The following PARD3 variants were observed in gnomAD, a reference collection of about 807,000 sequenced individuals.
PARD3 encodes partitioning defective 3 homolog.
Under a neutral mutation model 155.4 loss-of-function variants are expected in PARD3, and 75 were observed. The observed-to-expected ratio is 0.48, with a 90% CI of 0.40 to 0.58. PARD3 has a LOEUF of 0.58. PARD3 is among the 20% of genes least tolerant of loss of function. PARD3 has a pLI of 0.00. For missense variants in PARD3, 1,642 were observed against 1,721.7 expected, an observed-to-expected ratio of 0.95 and a Z score of 0.82; for synonymous variants, 576 against 610.5, an observed-to-expected ratio of 0.94 and a Z score of 0.83.
Position 34,564,165 on chromosome 10 carries a change from G to A in PARD3, c.223-47006C>T, listed in dbSNP as rs548098581. On this transcript the variant is annotated intron_variant, in intron 2 of 24. Coordinates refer to ENST00000374788, the MANE Select transcript of PARD3 (RefSeq NM_001184785.2). ...ATTTCAACCCCAAAGCATTTTTTAT[G>A]AGAAGTAAAAATGTTACATGTGCAT... Among the ~76,000 whole-genome samples the A allele has an allele frequency of 1.2e-4, 18 of 152,242 alleles. No homozygotes were observed. The South Asian group carries it at 3.3e-3, about 28-fold the overall frequency.
At chr10:34,777,778 T>G (rs1186787992) in intron 1 of PARD3, among the ~76,000 whole-genome samples, 3 of 152,030 alleles carry the variant, frequency 2.0e-5, no homozygotes, top group African/African-American at 4.8e-5. Flanking sequence ...ATGATCCTCC[T>G]GTCTCAGCCT....
At chr10:34,161,695 T>C (rs1042544937) in intron 22 of PARD3, among the ~76,000 whole-genome samples, 1 of 152,216 alleles carries the variant, frequency 6.6e-6, no homozygotes. Context: ...GTGGCAACTC[T>C]GGTTCCAAGA....
intron 2 of PARD3, among the ~76,000 whole-genome samples, chr10:34,684,864 TATATACACAC>T (rs1222358292): frequency 4.4e-5 from 5 of 114,126 alleles, no homozygotes; most frequent in Admixed American, 1.0e-4. Flanking sequence ...TACATGTATA[TATATACACAC>T]ACATACACAC....
At chr10:34,781,736 T>C (rs1458481865) in intron 1 of PARD3, among the ~76,000 whole-genome samples, 1 of 152,216 alleles carries the variant, frequency 6.6e-6, no homozygotes, top group Non-Finnish European at 1.5e-5. Context: ...CTCAGCACTA[T>C]ACACAGAGTG....
chr10:34,121,996 G>A (rs1228164733), intron 23 of PARD3, among the ~76,000 whole-genome samples: 2 of 152,204 alleles, frequency 1.3e-5, no homozygotes, highest in Non-Finnish European at 2.9e-5. Context: ...CACTTGATGA[G>A]GCTGGCCAAA....
chr10:34,504,611 C>T lies in PARD3; in HGVS notation c.403+12368G>A, dbSNP rs181683320. Among the ~76,000 whole-genome samples, 7 of 152,232 alleles carry T rather than the reference C, an allele frequency of 4.6e-5. No homozygotes were observed. The East Asian group carries it at 1.2e-3, about 25-fold the overall frequency. On this transcript the variant is annotated intron_variant, in intron 3 of 24. Transcript: ENST00000374788. Reference sequence around the variant, plus strand: ...CTTTAAAATGTAGCCCAGAGAGAGACTACCAGCTGTCCATTCCATGGAAAA... The same window carrying T: ...CTTTAAAATGTAGCCCAGAGAGAGATTACCAGCTGTCCATTCCATGGAAAA...
At chr10:34,524,917 C>T (rs1352885288) in intron 2 of PARD3, among the ~76,000 whole-genome samples, 4 of 152,004 alleles carry the variant, frequency 2.6e-5, no homozygotes, top group Non-Finnish European at 4.4e-5. Context: ...GAAGCAAATG[C>T]GATGATGTAG....
chr10:34,478,966 A>G (rs995861826), intron 3 of PARD3, among the ~76,000 whole-genome samples: 3 of 151,992 alleles, frequency 2.0e-5, no homozygotes, highest in Non-Finnish European at 4.4e-5. Flanking sequence ...TCTTCTAAAC[A>G]CTCACCTGAG....
At chr10:34,309,357 G>C (rs1298346126) in intron 20 of PARD3, among the ~76,000 whole-genome samples, 5 of 152,014 alleles carry the variant, frequency 3.3e-5, no homozygotes, top group South Asian at 2.1e-4. Flanking sequence ...CCAGAAGTTT[G>C]AGACCAACCT....
At chr10:34,129,698 C>CTATTTTTTTTTTTT (rs1346445542) in intron 23 of PARD3, among the ~76,000 whole-genome samples, 24 of 59,750 alleles carry the variant, frequency 4.0e-4, no homozygotes, top group African/African-American at 1.2e-3. Context: ...AATGTCAAGC[C>CTATTTTTTTTTTTT]TCTTTTTTTT....
intron 5 of PARD3, among the ~76,000 whole-genome samples, chr10:34,432,053 A>G: frequency 7.1e-6 from 1 of 140,896 alleles, no homozygotes; most frequent in East Asian, 2.0e-4. Flanking sequence ...AAAAAAAAAA[A>G]AAAAAAAAAA....
At chr10:34,364,892 A>C (rs1211231088) in intron 12 of PARD3, among the ~76,000 whole-genome samples, 2 of 152,260 alleles carry the variant, frequency 1.3e-5, no homozygotes, top group African/African-American at 2.4e-5. Flanking sequence ...TACAAGGTTC[A>C]ATCTTACTCG....
chr10:34,375,233 T>A (rs1156813701), intron 10 of PARD3, among the ~76,000 whole-genome samples: 2 of 152,172 alleles, frequency 1.3e-5, no homozygotes, highest in East Asian at 3.8e-4. Flanking sequence ...GGTCAATCTT[T>A]TAGTGTTCAT....
chr10:34,350,249 AG>A (rs1392465684), intron 14 of PARD3, among the ~76,000 whole-genome samples: 1 of 152,202 alleles, frequency 6.6e-6, no homozygotes, highest in African/African-American at 2.4e-5. Context: ...AGCGGCACTG[AG>A]GAAGAGAGGC....
intron 2 of PARD3, among the ~76,000 whole-genome samples, chr10:34,645,298 C>T (rs958218671): frequency 6.6e-6 from 1 of 152,020 alleles, no homozygotes; most frequent in Non-Finnish European, 1.5e-5. Flanking sequence ...CTCTACCTCC[C>T]AGGTTCAAGA....
intron 2 of PARD3, among the ~76,000 whole-genome samples, chr10:34,593,397 T>C (rs1306910264): frequency 6.6e-6 from 1 of 152,188 alleles, no homozygotes; most frequent in Non-Finnish European, 1.5e-5. Context: ...AATGTATAAG[T>C]TCCATGACAG....
At chr10:34,148,182 C>T (rs1340417695) in intron 22 of PARD3, among the ~76,000 whole-genome samples, 1 of 152,176 alleles carries the variant, frequency 6.6e-6, no homozygotes, top group African/African-American at 2.4e-5. Context: ...CAGCAATTGC[C>T]TAACCCAGCC....
At chr10:34,229,960 C>T (rs1362320945) in intron 22 of PARD3, among the ~76,000 whole-genome samples, 3 of 152,164 alleles carry the variant, frequency 2.0e-5, no homozygotes, top group African/African-American at 7.2e-5. Flanking sequence ...GGCTCTCAAA[C>T]GAATTCCTAT....
At chr10:34,241,404 G>A (rs1953585299) in intron 22 of PARD3, among the ~76,000 whole-genome samples, 1 of 152,192 alleles carries the variant, frequency 6.6e-6, no homozygotes, top group Admixed American at 6.5e-5. Context: ...GTGGAGGGGA[G>A]GGTGGTGGGA....
Sources: gnomAD v4.1 joint callset for allele counts (sites outside exome capture counted in the v4.1 genomes callset) on GRCh38, gnomAD v4.1.1 for gene constraint, MANE v1.5 for transcripts, NCBI Gene and HGNC (gene_info 2026-07-23, HGNC 2026-07-21) for gene names.